The following DIAPH3 variants were observed in gnomAD, a reference collection of about 807,000 sequenced individuals.
The protein encoded by DIAPH3 is diaphanous related formin 3, also known as protein diaphanous homolog 3.
DIAPH3 carries 117 observed loss-of-function variants against 144.3 expected under a neutral mutation model. That is an observed-to-expected ratio of 0.81 (90% CI 0.70 to 0.95). The LOEUF is 0.95. Ranked by LOEUF, DIAPH3 falls within the 40% of genes least tolerant of loss-of-function variation. DIAPH3 has a pLI of 0.00. For synonymous variants in DIAPH3, 519 were observed against 488.9 expected, an observed-to-expected ratio of 1.06 and a Z score of -0.81; for missense variants, 1,421 against 1,412.7, an observed-to-expected ratio of 1.01 and a Z score of -0.09.
At chr13:59,876,723 A>G (rs2044651591) in intron 21 of DIAPH3, among the ~76,000 whole-genome samples, 1 of 152,210 alleles carries the variant, frequency 6.6e-6, no homozygotes, top group Non-Finnish European at 1.5e-5. Flanking sequence ...CATGAGGAAG[A>G]GCATGCAGCC....
chr13:59,827,536 GA>G (rs1262300033), intron 24 of DIAPH3, among the ~76,000 whole-genome samples: 1 of 152,028 alleles, frequency 6.6e-6, no homozygotes, highest in Non-Finnish European at 1.5e-5. Flanking sequence ...GATGTCAGAT[GA>G]AATTTGCTTA....
chr13:60,065,478 C>T (rs565626025), intron 4 of DIAPH3, among the ~76,000 whole-genome samples: 281 of 152,222 alleles, frequency 1.8e-3, no homozygotes, highest in African/African-American at 6.4e-3. Context: ...CAACTTTGCT[C>T]ATCATAGTAT....
chr13:59,776,415 A>G (rs778334022), intron 25 of DIAPH3, among the ~76,000 whole-genome samples: 16 of 152,180 alleles, frequency 1.1e-4, no homozygotes, highest in Non-Finnish European at 2.2e-4. Context: ...ACAAATAGCT[A>G]TTTGAAAATT....
intron 17 of DIAPH3, among the ~76,000 whole-genome samples, chr13:59,965,551 A>T (rs2049999042): frequency 6.6e-6 from 1 of 152,124 alleles, no homozygotes; most frequent in African/African-American, 2.4e-5. Context: ...AAAAAAAAAA[A>T]AAAAATACAT....
chr13:59,677,655 C>T (rs1175993147), intron 27 of DIAPH3, among the ~76,000 whole-genome samples: 1 of 152,132 alleles, frequency 6.6e-6, no homozygotes, highest in Non-Finnish European at 1.5e-5. Context: ...CTGGACAGCA[C>T]AGATCTAGAA....
intron 2 of DIAPH3, among the ~76,000 whole-genome samples, chr13:60,124,199 T>C (rs1594729061): frequency 6.6e-6 from 1 of 152,046 alleles, no homozygotes; most frequent in Non-Finnish European, 1.5e-5. Context: ...AAGAGTGAGG[T>C]GAAAGCTTCC....
chr13:60,046,477 A>G (rs146509928), intron 4 of DIAPH3, among the ~76,000 whole-genome samples: 10,658 of 152,232 alleles, frequency 0.07, 409 homozygotes, highest in Admixed American at 0.11. Flanking sequence ...GAAACAACAG[A>G]TGCTGGAGAG....
chr13:59,762,229 T>G (rs1286458560), intron 27 of DIAPH3, among the ~76,000 whole-genome samples: 1 of 151,884 alleles, frequency 6.6e-6, no homozygotes, highest in Admixed American at 6.6e-5. Context: ...ACCCAGCTAA[T>G]TTTTTGTATT....
At chr13:60,161,732 A>G (rs1952302692) in intron 1 of DIAPH3, among the ~76,000 whole-genome samples, 1 of 152,248 alleles carries the variant, frequency 6.6e-6, no homozygotes, top group Admixed American at 6.5e-5. Context: ...AAACAGCAGA[A>G]CTGTCAAATA....
At chr13:60,000,907 C>T (rs778646185) in intron 9 of DIAPH3, among the ~76,000 whole-genome samples, 1 of 152,096 alleles carries the variant, frequency 6.6e-6, no homozygotes, top group Admixed American at 6.6e-5. Context: ...CAAGATAAAA[C>T]CAATGTATAG....
rs551211606 is a variant in DIAPH3 at position 59,845,458 on chromosome 13, A to G, written c.2738-6010T>C. Reference sequence around the variant, plus strand: ...GCATAGGGGTTTCCAGACAATCAGTAAAGCTGCCCCTTTCCTGTTCAATGC... The same window carrying G: ...GCATAGGGGTTTCCAGACAATCAGTGAAGCTGCCCCTTTCCTGTTCAATGC... On this transcript the variant is annotated intron_variant, in intron 22 of 27. Coordinates refer to ENST00000400324, the MANE Select transcript of DIAPH3 (RefSeq NM_001042517.2). Among the ~76,000 whole-genome samples, 16 of 152,292 alleles carry G rather than the reference A, an allele frequency of 1.1e-4. No individual in the cohort carries two copies. The South Asian group carries it at 3.3e-3, about 32-fold the overall frequency.
At chr13:59,773,841 T>C (rs1316696464) in intron 27 of DIAPH3, among the ~76,000 whole-genome samples, 1 of 152,144 alleles carries the variant, frequency 6.6e-6, no homozygotes, top group East Asian at 1.9e-4. Flanking sequence ...ATTTAATACT[T>C]CAAATTGTAT....
chr13:59,675,132 G>A (rs1391283482), intron 27 of DIAPH3, among the ~76,000 whole-genome samples: 1 of 152,112 alleles, frequency 6.6e-6, no homozygotes, highest in Non-Finnish European at 1.5e-5. Context: ...ATGGTGCCAT[G>A]ATGGCTCATT....
intron 21 of DIAPH3, among the ~76,000 whole-genome samples, chr13:59,863,841 G>C (rs940645753): frequency 1.3e-5 from 2 of 152,126 alleles, no homozygotes; most frequent in Non-Finnish European, 2.9e-5. Context: ...TAGACAAATA[G>C]TCACTAACAT....
intron 27 of DIAPH3, among the ~76,000 whole-genome samples, chr13:59,758,907 G>A (rs2037424610): frequency 6.6e-6 from 1 of 150,824 alleles, no homozygotes; most frequent in Non-Finnish European, 1.5e-5. Context: ...AGCCTCCTGA[G>A]TAGGTGGGAC....
At chr13:60,110,064 G>C (rs781534609) in intron 3 of DIAPH3, among the ~76,000 whole-genome samples, 7 of 152,170 alleles carry the variant, frequency 4.6e-5, no homozygotes, top group Non-Finnish European at 8.8e-5. Flanking sequence ...GAGTATGAAT[G>C]TTGAAGTTAT....
chr13:59,700,025 A>G (rs80313821), intron 27 of DIAPH3, among the ~76,000 whole-genome samples: 1,773 of 152,326 alleles, frequency 0.012, 22 homozygotes, highest in South Asian at 0.037. Flanking sequence ...CTATTTGTAT[A>G]TGGTGTATCT....
chr13:60,072,678 A>G (rs1441441162), intron 4 of DIAPH3, among the ~76,000 whole-genome samples: 2 of 152,238 alleles, frequency 1.3e-5, no homozygotes, highest in Non-Finnish European at 2.9e-5. Context: ...CAGAATAAAA[A>G]GTTGAAACAC....
intron 27 of DIAPH3, among the ~76,000 whole-genome samples, chr13:59,679,826 T>C (rs944330925): frequency 3.9e-5 from 6 of 152,130 alleles, no homozygotes; most frequent in Admixed American, 1.3e-4. Flanking sequence ...GGAGACACAA[T>C]GCACAAAAAG....
Sources: gnomAD v4.1 joint callset for allele counts (sites outside exome capture counted in the v4.1 genomes callset) on GRCh38, gnomAD v4.1.1 for gene constraint, MANE v1.5 for transcripts, NCBI Gene and HGNC (gene_info 2026-07-23, HGNC 2026-07-21) for gene names.